Variants in MARCHF4 observed in about 807,000 individuals in gnomAD.
MARCHF4 encodes the protein membrane associated ring-CH-type finger 4.
Under a neutral mutation model 43.9 loss-of-function variants are expected in MARCHF4, and 14 were observed. The ratio of observed to expected loss-of-function variants is 0.32; its 90% CI spans 0.21 to 0.50. MARCHF4 has a LOEUF of 0.50. Among genes scored for constraint, MARCHF4 ranks in the 20% least tolerant of loss-of-function variants. The pLI is 0.98. For synonymous variants in MARCHF4, 226 were observed against 213.3 expected, an observed-to-expected ratio of 1.06 and a Z score of -0.52; for missense variants, 468 against 536.7, an observed-to-expected ratio of 0.87 and a Z score of 1.27.
intron 3 of MARCHF4, among the ~76,000 whole-genome samples, chr2:216,267,326 C>T (rs374667984): frequency 1.6e-4 from 24 of 152,078 alleles, no homozygotes; most frequent in African/African-American, 5.8e-4. Flanking sequence ...TGAGGTTTGC[C>T]CAATAAAAAT....
intron 1 of MARCHF4, among the ~76,000 whole-genome samples, chr2:216,345,228 C>T (rs1314123212): frequency 2.0e-5 from 3 of 151,936 alleles, no homozygotes; most frequent in South Asian, 2.1e-4. Context: ...TTTCTCCCCA[C>T]GAATACTGTA....
rs143650675 is a variant in MARCHF4, at chr2:216,311,425, T to C, written c.517-27696A>G. On this transcript the variant is annotated intron_variant, in intron 1 of 3. Transcript: ENST00000273067. ...GTCATGCGTCACCACACCTGGTTAA[T>C]TTTTGTGTTTTTAGTAGAGATGGGG... Among the ~76,000 whole-genome samples, 688 of 152,192 alleles carry C rather than the reference T, an allele frequency of 4.5e-3. 5 individuals carry two copies. The highest frequency in any genetic ancestry group is 0.016 in the African/African-American group (650 of 41,538).
Position 216,370,423 on chromosome 2 carries a change from GGA to G in MARCHF4, c.-165_-164del. 1.8e-6 allele frequency: 1 copy of G among 555,724 alleles called. No homozygotes were observed. The highest frequency in any genetic ancestry group is 1.9e-5 in the African/African-American group (1 of 52,716). 34.4% of individuals were successfully genotyped at this position (555,724 alleles called of 1,614,324 possible). A position where few individuals can be genotyped will look rare whatever the true frequency, so the allele number is the denominator to read the frequency against. On this transcript the variant is annotated 5_prime_UTR_variant, in exon 1 of 4. Transcript: ENST00000273067. ...CCAAGTAGCAAATAAATTGCTCCCA[GGA>G]CTGAGAAGTGTGAGTCACTGGTTCT...
chr2:216,320,635 CTTT>C (rs1559098558), intron 1 of MARCHF4, among the ~76,000 whole-genome samples: 8 of 111,962 alleles, frequency 7.1e-5, no homozygotes, highest in South Asian at 6.9e-4. Flanking sequence ...TTCTTTCTTT[CTTT>C]CTTTCTTTCT....
chr2:216,320,350 A>G (rs980950870), intron 1 of MARCHF4, among the ~76,000 whole-genome samples: 4 of 152,200 alleles, frequency 2.6e-5, no homozygotes, highest in African/African-American at 4.8e-5. Context: ...AGTCCTTACT[A>G]AAGGCCAGGT....
intron 1 of MARCHF4, among the ~76,000 whole-genome samples, chr2:216,322,888 T>A (rs1231703972): frequency 6.6e-6 from 1 of 152,172 alleles, no homozygotes; most frequent in Non-Finnish European, 1.5e-5. Context: ...GTGCATTTTG[T>A]TGAACATGGA....
intron 1 of MARCHF4, among the ~76,000 whole-genome samples, chr2:216,316,490 T>A (rs148858080): frequency 6.6e-6 from 1 of 152,012 alleles, no homozygotes; most frequent in Non-Finnish European, 1.5e-5. Flanking sequence ...GAACGGGGTA[T>A]TGCATAGTGG....
intron 1 of MARCHF4, among the ~76,000 whole-genome samples, chr2:216,344,122 T>C (rs377527563): frequency 5.9e-5 from 9 of 152,196 alleles, no homozygotes; most frequent in African/African-American, 2.2e-4. Flanking sequence ...ATTTTGGAAA[T>C]GTTGTGTTAG....
At chr2:216,273,671 A>T (rs1392880871) in intron 3 of MARCHF4, among the ~76,000 whole-genome samples, 2 of 152,116 alleles carry the variant, frequency 1.3e-5, no homozygotes, top group Non-Finnish European at 2.9e-5. Flanking sequence ...TTTTCATGGA[A>T]GCAAACTAAC....
chr2:216,352,419 G>A (rs909613929), intron 1 of MARCHF4, among the ~76,000 whole-genome samples: 1 of 152,236 alleles, frequency 6.6e-6, no homozygotes, highest in Admixed American at 6.5e-5. Flanking sequence ...TGAGTGTGCA[G>A]AGAAAGGAGG....
intron 3 of MARCHF4, 55 bp from the exon 4 acceptor site, chr2:216,259,734 G>T: frequency 1.3e-6 from 2 of 1,537,798 alleles, no homozygotes. Context: ...GTGGGTCACG[G>T]CCAGGAGACC....
intron 1 of MARCHF4, among the ~76,000 whole-genome samples, chr2:216,368,156 A>C (rs1387967009): frequency 6.6e-6 from 1 of 152,222 alleles, no homozygotes; most frequent in Admixed American, 6.5e-5. Context: ...TGGGAGAAAA[A>C]AGAAATGCCT....
chr2:216,362,933 A>G (rs142441492), intron 1 of MARCHF4, among the ~76,000 whole-genome samples: 2 of 152,208 alleles, frequency 1.3e-5, no homozygotes, highest in African/African-American at 4.8e-5. Context: ...ATCCAGGCTC[A>G]CTTCCAACTT....
chr2:216,264,251 T>C (rs1250678544), intron 3 of MARCHF4, among the ~76,000 whole-genome samples: 1 of 152,126 alleles, frequency 6.6e-6, no homozygotes, highest in East Asian at 1.9e-4. Flanking sequence ...CCTTTGAGGA[T>C]CTAACGAAGG....
chr2:216,308,728 C>T (rs777409556), intron 1 of MARCHF4, among the ~76,000 whole-genome samples: 1 of 152,184 alleles, frequency 6.6e-6, no homozygotes, highest in Non-Finnish European at 1.5e-5. Context: ...ATGACGTATG[C>T]GTGCTGCCCA....
At chr2:216,309,821 TCC>T (rs1178315612) in intron 1 of MARCHF4, among the ~76,000 whole-genome samples, 1 of 152,064 alleles carries the variant, frequency 6.6e-6, no homozygotes, top group African/African-American at 2.4e-5. Context: ...TTCGTATAAT[TCC>T]TTTTTTTAAT....
chr2:216,266,849 A>G (rs979141253), intron 3 of MARCHF4, among the ~76,000 whole-genome samples: 16 of 152,244 alleles, frequency 1.1e-4, no homozygotes, highest in Admixed American at 7.8e-4. Flanking sequence ...CTGCCTGCCC[A>G]GTATTCTCCA....
Position 216,318,886 on chromosome 2 carries a change from G to A in MARCHF4, c.517-35157C>T, listed in dbSNP as rs549264849. Among the ~76,000 whole-genome samples the A allele has an allele frequency of 5.3e-5, 8 of 151,990 alleles. No individual in the cohort carries two copies. In the South Asian group the frequency reaches 1.5e-3, roughly 28 times the overall value. On this transcript the variant is annotated intron_variant, in intron 1 of 3. Transcript: ENST00000273067. Reference sequence around the variant, plus strand: ...TTTAAAGACACAGATTTCAGAAAAGGGACACACAAAAATGAAAGCAGTCTA... The same window carrying A: ...TTTAAAGACACAGATTTCAGAAAAGAGACACACAAAAATGAAAGCAGTCTA...
intron 1 of MARCHF4, among the ~76,000 whole-genome samples, chr2:216,332,217 C>A (rs1356202513): frequency 1.3e-5 from 2 of 151,784 alleles, no homozygotes; most frequent in Non-Finnish European, 2.9e-5. Context: ...ATGGCAAAAC[C>A]CTGTCTCTAT....
Sources: allele counts gnomAD v4.1 joint callset (sites outside exome capture counted in the v4.1 genomes callset), GRCh38; gene constraint gnomAD v4.1.1; transcripts MANE v1.5; gene names NCBI Gene and HGNC (gene_info 2026-07-23, HGNC 2026-07-21).